Variants in CA5A observed in about 807,000 individuals in gnomAD.
CA5A encodes the protein carbonic anhydrase 5A.
A neutral mutation model predicts 37.1 loss-of-function variants in CA5A; 28 were observed. That is an observed-to-expected ratio of 0.75 (90% CI 0.56 to 1.03). CA5A has a LOEUF of 1.03. CA5A is among the 50% of genes least tolerant of loss of function. CA5A has a pLI of 0.00. For synonymous variants in CA5A, 171 were observed against 158.4 expected (o/e 1.08, Z -0.60); for missense variants, 444 against 399.9 (o/e 1.11, Z -0.94).
At chr16:87,920,976 A>G (rs983678645) in intron 2 of CA5A, among the ~76,000 whole-genome samples, 3 of 151,128 alleles carry the variant, frequency 2.0e-5, no homozygotes, top group African/African-American at 7.3e-5. Flanking sequence ...TATTTTTTGT[A>G]GAGATGGGGT....
intron 2 of CA5A, among the ~76,000 whole-genome samples, chr16:87,922,076 C>T (rs1358248443): frequency 6.6e-6 from 1 of 152,046 alleles, no homozygotes; most frequent in Non-Finnish European, 1.5e-5. Flanking sequence ...TCTCGTTACC[C>T]TCCCACCTTG....
At chr16:87,917,670 CATGCACACAGTGCACA>C in intron 2 of CA5A, among the ~76,000 whole-genome samples, 1 of 94,430 alleles carries the variant, frequency 1.1e-5, no homozygotes, top group African/African-American at 5.2e-5. Flanking sequence ...CATAGAGACA[CATGCACACAGTGCACA>C]ATGCACACCC....
intron 2 of CA5A, among the ~76,000 whole-genome samples, chr16:87,914,602 A>C (rs1162141276): frequency 6.6e-6 from 1 of 152,064 alleles, no homozygotes; most frequent in African/African-American, 2.4e-5. Flanking sequence ...CGCAGTGGGG[A>C]AGCCAGCAGG....
intron 2 of CA5A, among the ~76,000 whole-genome samples, chr16:87,914,057 G>C (rs925992607): frequency 2.6e-5 from 4 of 152,224 alleles, no homozygotes; most frequent in African/African-American, 4.8e-5. Flanking sequence ...GTGAGTGCCA[G>C]GGCTGGGTCT....
intron 2 of CA5A, chr16:87,924,162 G>C: frequency 1.0e-6 from 1 of 985,404 alleles, no homozygotes; most frequent in African/African-American, 1.7e-5. Context: ...CTTCTTCTCC[G>C]AGCTGGTCTT....
chr16:87,922,911 G>C (rs539787152), intron 2 of CA5A, among the ~76,000 whole-genome samples: 3 of 152,356 alleles, frequency 2.0e-5, no homozygotes, highest in African/African-American at 7.2e-5. Flanking sequence ...AGTTCCCCAA[G>C]CCTTCTTTTT....
At chr16:87,905,700 A>G (rs2055951312) in intron 2 of CA5A, among the ~76,000 whole-genome samples, 1 of 152,254 alleles carries the variant, frequency 6.6e-6, no homozygotes, top group Non-Finnish European at 1.5e-5. Flanking sequence ...CTGTAGCATC[A>G]GTCCTGATCT....
chr16:87,927,856 C>CAAAAAAAAAAAAAAA (rs569544193), intron 1 of CA5A, among the ~76,000 whole-genome samples: 1 of 78,954 alleles, frequency 1.3e-5, no homozygotes, highest in Non-Finnish European at 2.7e-5. Flanking sequence ...GACTCTGCCT[C>CAAAAAAAAAAAAAAA]AAAAAAAAAA....
At chr16:87,899,435 T>C (rs2055846140) in intron 5 of CA5A, among the ~76,000 whole-genome samples, 1 of 150,072 alleles carries the variant, frequency 6.7e-6, no homozygotes, top group African/African-American at 2.4e-5. Flanking sequence ...CCTGAGTAGC[T>C]GGGATTACAG....
rs11314702 is a variant in CA5A, at chr16:87,911,099, C to CAAAAAA, written c.341-6201_341-6196dup. ...ACAATGTCAGGGTATTCTCCTTAAT[C>CAAAAAA]AAAAAAAAAAAAAAAAAAAAAGGCA... On this transcript the variant is annotated intron_variant, in intron 2 of 6. Coordinates refer to ENST00000649794, the MANE Select transcript of CA5A (RefSeq NM_001739.2). This position sits in a 1 kb window ranked among gnomAD's most constrained non-coding sequence, Gnocchi z 4.6. Among the ~76,000 whole-genome samples, 1 of 96,562 alleles carries CAAAAAA rather than the reference C, an allele frequency of 1.0e-5. No homozygotes were observed. Among genetic ancestry groups the CAAAAAA allele is most frequent in the African/African-American group, 3.4e-5 (1 of 29,732 alleles). 63.3% of individuals were successfully genotyped at this position (96,562 alleles called of 152,430 possible). A position where few individuals can be genotyped will look rare whatever the true frequency, so the allele number is the denominator to read the frequency against.
At chr16:87,932,681 A>G (rs1216906004) in intron 1 of CA5A, among the ~76,000 whole-genome samples, 1 of 152,000 alleles carries the variant, frequency 6.6e-6, no homozygotes, top group African/African-American at 2.4e-5. Context: ...TGCAGGGGAC[A>G]TGGAATCAAA....
At chr16:87,907,232 G>A (rs1328678068) in intron 2 of CA5A, among the ~76,000 whole-genome samples, 1 of 151,986 alleles carries the variant, frequency 6.6e-6, no homozygotes, top group East Asian at 1.9e-4. Context: ...ACAAAACACA[G>A]GCGTGAGCCA....
chr16:87,929,696 C>T (rs1176083026), intron 1 of CA5A, among the ~76,000 whole-genome samples: 1 of 151,470 alleles, frequency 6.6e-6, no homozygotes, highest in African/African-American at 2.4e-5. Flanking sequence ...CACCGTGAAA[C>T]CCGGTCTCTA....
intron 5 of CA5A, among the ~76,000 whole-genome samples, chr16:87,899,207 C>T (rs186586357): frequency 5.4e-4 from 81 of 150,468 alleles, no homozygotes; most frequent in African/African-American, 1.9e-3. Flanking sequence ...AGCCTCTAGG[C>T]GAGAGAGTTG....
chr16:87,913,197 T>G (rs8052170), intron 2 of CA5A, among the ~76,000 whole-genome samples: 82,748 of 151,758 alleles, frequency 0.55, 23,685 homozygotes, highest in Non-Finnish European at 0.65. Context: ...CAGGCTGGTC[T>G]CAAACTCCTG....
chr16:87,919,376 G>A (rs2056198925), intron 2 of CA5A, among the ~76,000 whole-genome samples: 2 of 152,236 alleles, frequency 1.3e-5, no homozygotes, highest in African/African-American at 2.4e-5. Context: ...CCCTCGGGCT[G>A]GCCAGACGAG....
chr16:87,895,882 T>C (rs933806871), intron 5 of CA5A, among the ~76,000 whole-genome samples: 23 of 152,202 alleles, frequency 1.5e-4, no homozygotes, highest in Admixed American at 7.2e-4. Flanking sequence ...CTGCATGGTC[T>C]AGCTGGGTTG....
chr16:87,924,099 C>A, intron 2 of CA5A: 1 of 985,436 alleles, frequency 1.0e-6, no homozygotes, highest in Non-Finnish European at 1.2e-6. Context: ...CTCCCTGGTC[C>A]CCGAAGCTGG....
At chr16:87,914,748 T>C (rs894508049) in intron 2 of CA5A, among the ~76,000 whole-genome samples, 1 of 151,896 alleles carries the variant, frequency 6.6e-6, no homozygotes, top group African/African-American at 2.4e-5. Flanking sequence ...CACAAGGTGG[T>C]CAGGACCTCA....
Sources: allele counts gnomAD v4.1 joint callset (sites outside exome capture counted in the v4.1 genomes callset), GRCh38; gene constraint gnomAD v4.1.1; non-coding constraint Gnocchi (gnomAD v3.1); transcripts MANE v1.5; gene names NCBI Gene and HGNC (gene_info 2026-07-23, HGNC 2026-07-21).